Variants in HDAC9 observed in about 807,000 individuals in gnomAD.
HDAC9 encodes histone deacetylase 9.
HDAC9 carries 41 observed loss-of-function variants against 139.4 expected under a neutral mutation model. The ratio of observed to expected loss-of-function variants is 0.29; its 90% CI spans 0.23 to 0.38. HDAC9 has a LOEUF of 0.38. HDAC9 is among the 10% of genes least tolerant of loss of function. HDAC9 has a pLI of 1.00. For synonymous variants in HDAC9, 517 were observed against 476.2 expected, an observed-to-expected ratio of 1.09 and a Z score of -1.12; for missense variants, 1,147 against 1,297.0, an observed-to-expected ratio of 0.88 and a Z score of 1.78.
chr7:18,434,954 A>G (rs1292003840), intron 1 of HDAC9, among the ~76,000 whole-genome samples: 2 of 151,656 alleles, frequency 1.3e-5, no homozygotes, highest in African/African-American at 4.8e-5. Flanking sequence ...TGTTTGTCAC[A>G]GAACTATTGA....
chr7:18,521,120 G>T (rs567069625), intron 2 of HDAC9, among the ~76,000 whole-genome samples: 6 of 152,200 alleles, frequency 3.9e-5, no homozygotes, highest in Admixed American at 3.9e-4. Context: ...AAAAAATAAT[G>T]ATCTGGAATC....
At chr7:18,912,978 T>C (rs1321806873) in intron 22 of HDAC9, among the ~76,000 whole-genome samples, 4 of 152,092 alleles carry the variant, frequency 2.6e-5, no homozygotes, top group Non-Finnish European at 4.4e-5. Flanking sequence ...ATCTTAACTA[T>C]TAGAAAACTA....
At chr7:18,575,755 C>T (rs150501677) in intron 2 of HDAC9, among the ~76,000 whole-genome samples, 292 of 152,296 alleles carry the variant, frequency 1.9e-3, no homozygotes, top group African/African-American at 6.7e-3. Context: ...GGATTTTAAT[C>T]GGGTATGTGT....
At chr7:18,117,880 G>C (rs1784107919) in intron 1 of HDAC9, among the ~76,000 whole-genome samples, 1 of 152,190 alleles carries the variant, frequency 6.6e-6, no homozygotes, top group Non-Finnish European at 1.5e-5. Context: ...AGAGTCAGCA[G>C]CAGTGGTAGT....
chr7:18,713,956 C>T (rs1454228860), intron 12 of HDAC9, among the ~76,000 whole-genome samples: 1 of 152,060 alleles, frequency 6.6e-6, no homozygotes, highest in Non-Finnish European at 1.5e-5. Context: ...TGATCAATTT[C>T]CTTATCCTAT....
chr7:18,521,394 A>C (rs1325440619), intron 2 of HDAC9, among the ~76,000 whole-genome samples: 1 of 152,178 alleles, frequency 6.6e-6, no homozygotes, highest in Non-Finnish European at 1.5e-5. Context: ...TTATTTCCCA[A>C]GGGAGATATC....
chr7:18,900,813 G>T (rs1801634436), intron 22 of HDAC9, among the ~76,000 whole-genome samples: 1 of 151,990 alleles, frequency 6.6e-6, no homozygotes, highest in Non-Finnish European at 1.5e-5. Flanking sequence ...CCCCTACCCT[G>T]GGAAAAACAA....
intron 22 of HDAC9, among the ~76,000 whole-genome samples, chr7:18,896,232 A>T (rs1227032340): frequency 2.0e-5 from 3 of 152,144 alleles, no homozygotes; most frequent in Non-Finnish European, 4.4e-5. Flanking sequence ...AGATAAAAAT[A>T]TAGAAATATT....
At chr7:18,462,279 G>T (rs192299780) in intron 1 of HDAC9, among the ~76,000 whole-genome samples, 4 of 151,946 alleles carry the variant, frequency 2.6e-5, no homozygotes, top group African/African-American at 9.6e-5. Context: ...CCTTTGTCTA[G>T]GCTTCTGGTT....
chr7:18,911,826 A>C, intron 22 of HDAC9, among the ~76,000 whole-genome samples: 1 of 151,826 alleles, frequency 6.6e-6, no homozygotes, highest in East Asian at 1.9e-4. Context: ...CTTGTTATTG[A>C]TTTCTAATTT....
At chr7:18,193,184 A>G (rs1029412618) in intron 2 of HDAC9, among the ~76,000 whole-genome samples, 2 of 152,170 alleles carry the variant, frequency 1.3e-5, no homozygotes, top group Non-Finnish European at 1.5e-5. Flanking sequence ...TGGTGCTTGT[A>G]ATACCAAGGG....
intron 22 of HDAC9, among the ~76,000 whole-genome samples, chr7:18,925,188 T>G (rs1457951010): frequency 6.6e-6 from 1 of 152,124 alleles, no homozygotes; most frequent in African/African-American, 2.4e-5. Context: ...TGCATTAAAT[T>G]TGCACTTCAA....
intron 2 of HDAC9, among the ~76,000 whole-genome samples, chr7:18,252,386 T>A (rs1794971471): frequency 6.6e-6 from 1 of 152,160 alleles, no homozygotes; most frequent in African/African-American, 2.4e-5. Context: ...ATCACACATG[T>A]AAATCTTAGA....
chr7:18,379,187 A>G (rs919823611), intron 1 of HDAC9, among the ~76,000 whole-genome samples: 1 of 152,212 alleles, frequency 6.6e-6, no homozygotes, highest in Non-Finnish European at 1.5e-5. Flanking sequence ...AAGAGAATGA[A>G]TACAAACTAC....
chr7:18,995,141 C>T (rs1266310441), intron 25 of HDAC9, among the ~76,000 whole-genome samples: 2 of 152,148 alleles, frequency 1.3e-5, no homozygotes, highest in Non-Finnish European at 2.9e-5. Context: ...TCATTTTGTT[C>T]ATGGTTTACA....
intron 1 of HDAC9, among the ~76,000 whole-genome samples, chr7:18,114,838 C>T (rs369385952): frequency 3.3e-5 from 5 of 152,236 alleles, no homozygotes; most frequent in East Asian, 3.9e-4. Context: ...GGTGGTTTTC[C>T]GTTTTGTGTG....
At chr7:18,388,607 A>G (rs988539310) in intron 1 of HDAC9, among the ~76,000 whole-genome samples, 1 of 152,226 alleles carries the variant, frequency 6.6e-6, no homozygotes, top group Non-Finnish European at 1.5e-5. Context: ...CAGGAAACAC[A>G]TGAAAAGTTG....
chr7:18,888,581 A>T (rs188620788), intron 22 of HDAC9, among the ~76,000 whole-genome samples: 2 of 152,244 alleles, frequency 1.3e-5, no homozygotes, highest in African/African-American at 4.8e-5. Flanking sequence ...TCTATATCCT[A>T]TCGACCTCCC....
chr7:18,095,587 A>G (rs1050067221), intron 1 of HDAC9, among the ~76,000 whole-genome samples: 1 of 152,188 alleles, frequency 6.6e-6, no homozygotes, highest in African/African-American at 2.4e-5. Context: ...AAAACACCAC[A>G]GGAAGAATGG....
Sources: allele counts gnomAD v4.1 joint callset (sites outside exome capture counted in the v4.1 genomes callset), GRCh38; gene constraint gnomAD v4.1.1; transcripts MANE v1.5; gene names NCBI Gene and HGNC (gene_info 2026-07-23, HGNC 2026-07-21).